KPNA2: variants seen among roughly 807,000 people sequenced by gnomAD.
KPNA2 encodes the protein karyopherin subunit alpha 2.
KPNA2 carries 20 observed loss-of-function variants against 53.7 expected under a neutral mutation model. The ratio of observed to expected loss-of-function variants is 0.37; its 90% CI spans 0.26 to 0.54. The LOEUF (loss-of-function observed/expected upper bound fraction) is 0.54, where lower values mean the gene tolerates loss of function less well. KPNA2 is among the 20% of genes least tolerant of loss of function. The pLI, the probability that KPNA2 is intolerant of heterozygous loss-of-function variation, is 0.83. For synonymous variants in KPNA2, 238 were observed against 227.5 expected, an observed-to-expected ratio of 1.05 and a Z score of -0.42; for missense variants, 515 against 640.3, an observed-to-expected ratio of 0.80 and a Z score of 2.11.
Position 68,043,147 on chromosome 17 carries a change from C to G in KPNA2, c.714C>G (p.Arg238=). The change falls in exon 7 of 11, where the codon CGC becomes CGG. Residue 238 remains arginine, a synonymous_variant. Transcript: ENST00000330459. Reference sequence around the variant, plus strand: ...CCTGGACACTTTCTAATCTTTGCCGCAACAAGAATCCTGCACCCCCGATAG... The same window carrying G: ...CCTGGACACTTTCTAATCTTTGCCGGAACAAGAATCCTGCACCCCCGATAG... The part of the protein sequence containing the change: ...NLTWTLSNLC[R]NKNPAPPIDA... 6.2e-7 allele frequency: 1 copy of G among 1,614,130 alleles called. No homozygotes were observed. Among genetic ancestry groups the G allele is most frequent in the Non-Finnish European group, 8.5e-7 (1 of 1,180,020 alleles).
In KPNA2 at chr17:68,044,066, T is replaced by G. The variant is rs782432220; in HGVS notation, c.1159T>G (p.Ser387Ala). The change falls in exon 8 of 11, where the codon TCT becomes GCT. Residue 387 changes from serine to alanine, a missense_variant. Physicochemically the swap from Ser to Ala is moderately conservative, Grantham distance 99. Coordinates refer to ENST00000330459, the MANE Select transcript of KPNA2 (RefSeq NM_002266.4). ...AGTCCCATTCCTTGTCAGTGTTCTC[T>G]CTAAGGTAACGAAGTCTTAGGATTT... ...GLVPFLVSVL[S>A]KADFKTQKEA... is the part of the protein sequence containing the mutation. The G allele has an allele frequency of 6.2e-7, 1 of 1,608,080 alleles. No homozygotes were observed. Among genetic ancestry groups the G allele is most frequent in the South Asian group, 1.1e-5 (1 of 90,986 alleles).
rs782240404 is a variant in KPNA2 at position 68,044,065 on chromosome 17, C to G, written c.1158C>G (p.Leu386=). The G allele has an allele frequency of 4.4e-6, 7 of 1,608,574 alleles. No individual in the cohort carries two copies. Among genetic ancestry groups the G allele is most frequent in the Non-Finnish European group, 6.0e-6 (7 of 1,175,220 alleles). ...TAGTCCCATTCCTTGTCAGTGTTCT[C>G]TCTAAGGTAACGAAGTCTTAGGATT... ...HGLVPFLVSV[L]SKADFKTQKE... is the part of the protein sequence containing the mutation. Residue 386 remains leucine (L), a synonymous_variant, in exon 8 of 11, where the codon CTC becomes CTG. Transcript: ENST00000330459.
Position 68,043,343 on chromosome 17 carries a change from G to A in KPNA2, c.910G>A (p.Ala304Thr), listed in dbSNP as rs1555704940. The A allele has an allele frequency of 6.2e-7, 1 of 1,614,130 alleles. No homozygotes were observed. Among genetic ancestry groups the A allele is most frequent in the Non-Finnish European group, 8.5e-7 (1 of 1,180,006 alleles). Residue 304 changes from alanine (A) to threonine (T), a missense_variant, in exon 7 of 11, where the codon GCT becomes ACT. Ala to Thr is a moderately conservative substitution (Grantham distance 58, BLOSUM62 0). Coordinates refer to ENST00000330459, the MANE Select transcript of KPNA2 (RefSeq NM_002266.4). ...VVPQLVKLLG[A>T]SELPIVTPAL... ...GCCCCAACTTGTGAAGCTTCTAGGAGCTTCTGAATTGCCAATTGTGGTAAG... is the reference window on the plus strand; with the variant it reads ...GCCCCAACTTGTGAAGCTTCTAGGAACTTCTGAATTGCCAATTGTGGTAAG...
intron 9 of KPNA2, among the ~76,000 whole-genome samples, chr17:68,045,071 G>A (rs1207947832): frequency 1.9e-4 from 28 of 150,226 alleles, no homozygotes; most frequent in African/African-American, 6.4e-4. Context: ...CTCCAGCTTG[G>A]GCAAGAGTGA....
At chr17:68,036,332 C>T (rs1382955446) in intron 1 of KPNA2, 1 of 152,270 alleles carries the variant, frequency 6.6e-6, no homozygotes, top group Non-Finnish European at 1.5e-5. Context: ...GAATGACGCA[C>T]AGCTGATGTC....
Position 68,042,221 on chromosome 17 carries a change from AT to A in KPNA2, c.441del (p.Ile147MetfsTer13). On this transcript the variant is annotated frameshift_variant, in exon 5 of 11. Transcript: ENST00000330459. LOFTEE classifies it high-confidence loss of function. The part of the protein sequence containing the change: ...QFESAWALTN[I>X]ASGTSEQTKA... ...TGAATCTGCTTGGGCACTCACTAACATTGCTTCTGGGACATCAGAACAAACC... is the reference window on the plus strand; with the variant it reads ...TGAATCTGCTTGGGCACTCACTAACATGCTTCTGGGACATCAGAACAAACC... The A allele has an allele frequency of 6.8e-6, 11 of 1,614,106 alleles. No homozygotes were observed. The highest frequency in any genetic ancestry group is 9.3e-6 in the Non-Finnish European group (11 of 1,179,992).
chr17:68,045,225 A>C (rs1555705249), intron 9 of KPNA2, among the ~76,000 whole-genome samples: 2 of 152,126 alleles, frequency 1.3e-5, no homozygotes, highest in African/African-American at 4.8e-5. Context: ...TTTTGAAGCA[A>C]ATCTGTTTTT....
At chr17:68,044,127 C>G in intron 8 of KPNA2, 56 bp downstream of exon 8, 1 of 1,444,136 alleles carries the variant, frequency 6.9e-7, no homozygotes, top group Non-Finnish European at 9.7e-7. Flanking sequence ...GAAAGCTGTG[C>G]TTGATAAGCT....
rs1555704864 is a variant in KPNA2, at chr17:68,043,106, T to C, written c.673T>C (p.Tyr225His). The C allele has an allele frequency of 1.2e-6, 2 of 1,614,102 alleles. No individual in the cohort carries two copies. Among genetic ancestry groups the C allele is most frequent in the Non-Finnish European group, 1.7e-6 (2 of 1,179,998 alleles). Residue 225 changes from tyrosine to histidine, a missense_variant, in exon 7 of 11, where the codon TAC becomes CAC. By Grantham distance (83) the Tyr-to-His change is moderately conservative. Transcript: ENST00000330459. ...CCTATTTTTTTTCCCCCAGTGTGGC[T>C]ACTTACGTAATCTTACCTGGACACT... is the stretch of plus-strand genomic sequence containing the variant. ...VPDMSSLACG[Y>H]LRNLTWTLSN...
At chr17:68,041,688 TG>T (rs2071262319) in intron 4 of KPNA2, among the ~76,000 whole-genome samples, 1 of 152,206 alleles carries the variant, frequency 6.6e-6, no homozygotes, top group African/African-American at 2.4e-5. Context: ...ATCGTGGCAC[TG>T]CACTCTAGCC....
At chr17:68,040,823 T>TG in intron 4 of KPNA2, 57 bp downstream of exon 4, 1 of 1,046,024 alleles carries the variant, frequency 9.6e-7, no homozygotes, top group Non-Finnish European at 1.4e-6. Context: ...TTTAGATTTT[T>TG]TTTTGGGGGG....
At chr17:68,038,998 G>C (rs1380684164) in intron 3 of KPNA2, among the ~76,000 whole-genome samples, 1 of 143,848 alleles carries the variant, frequency 7.0e-6, no homozygotes, top group Non-Finnish European at 1.5e-5. Context: ...CTGGGTGACA[G>C]TGAGACCCTG....
intron 1 of KPNA2, 168 bp from the exon 2 acceptor site, chr17:68,036,942 A>C (rs905853309): frequency 1.8e-6 from 1 of 557,866 alleles, no homozygotes; most frequent in Non-Finnish European, 3.2e-6. Context: ...GAAGGGGGAC[A>C]CTTCCCCTTT....
intron 5 of KPNA2, among the ~76,000 whole-genome samples, 172 bp downstream of exon 5, chr17:68,042,525 T>G (rs1426610927): frequency 6.6e-6 from 1 of 152,142 alleles, no homozygotes; most frequent in Non-Finnish European, 1.5e-5. Context: ...CTAAGTAAGT[T>G]TGGGAGTTTT....
chr17:68,036,656 C>A (rs781959780), intron 1 of KPNA2: 4 of 166,972 alleles, frequency 2.4e-5, no homozygotes, highest in African/African-American at 4.8e-5. Flanking sequence ...TGTGGCTAGT[C>A]CAAATTGAAA....
Position 68,043,232 on chromosome 17 carries a change from G to T in KPNA2, c.799G>T (p.Val267Leu), listed in dbSNP as rs782790129. Residue 267 changes from valine to leucine, a missense_variant, in exon 7 of 11, where the codon GTA (valine) becomes TTA (leucine). Coordinates refer to ENST00000330459, the MANE Select transcript of KPNA2 (RefSeq NM_002266.4). ...VRLLHHDDPE[V>L]LADTCWAISY... ...GCTCCTGCATCATGATGATCCAGAAGTATTAGCAGATACCTGCTGGGCTAT... is the reference window on the plus strand; with the variant it reads ...GCTCCTGCATCATGATGATCCAGAATTATTAGCAGATACCTGCTGGGCTAT... The T allele has an allele frequency of 5.0e-6, 8 of 1,614,042 alleles. No homozygotes were observed. The highest frequency in any genetic ancestry group is 6.8e-6 in the Non-Finnish European group (8 of 1,180,026).
chr17:68,042,858 C>T (rs782618572), intron 5 of KPNA2, 47 bp from the exon 6 acceptor site: 19 of 1,325,698 alleles, frequency 1.4e-5, no homozygotes, highest in South Asian at 4.9e-5. Flanking sequence ...AGAGAAACTC[C>T]GTCTCAAAAA....
intron 1 of KPNA2, 68 bp from the exon 2 acceptor site, chr17:68,037,042 T>G: frequency 9.9e-7 from 1 of 1,009,530 alleles, no homozygotes; most frequent in Non-Finnish European, 1.6e-6. Context: ...AATTCAGTTC[T>G]TATTTGGTAC....
intron 3 of KPNA2, among the ~76,000 whole-genome samples, chr17:68,038,072 G>A (rs577838801): frequency 1.3e-5 from 2 of 152,298 alleles, no homozygotes; most frequent in African/African-American, 2.4e-5. Flanking sequence ...CATCTCCCGG[G>A]TTCACGCCAT....
Sources: allele counts gnomAD v4.1 joint callset (sites outside exome capture counted in the v4.1 genomes callset), GRCh38; gene constraint gnomAD v4.1.1; transcripts MANE v1.5; gene names NCBI Gene and HGNC (gene_info 2026-07-23, HGNC 2026-07-21).